Variants in ITPR2 observed in about 807,000 individuals in gnomAD.
The protein encoded by ITPR2 is inositol 1,4,5-trisphosphate-gated calcium channel ITPR2.
Under a neutral mutation model 317.1 loss-of-function variants are expected in ITPR2, and 207 were observed. That is an observed-to-expected ratio of 0.65 (90% CI 0.58 to 0.73). The LOEUF is 0.73. ITPR2 is among the 30% of genes least tolerant of loss of function. The pLI is 0.00. For synonymous variants in ITPR2, 1,156 were observed against 1,149.1 expected, an observed-to-expected ratio of 1.01 and a Z score of -0.12; for missense variants, 2,613 against 3,284.0, an observed-to-expected ratio of 0.80 and a Z score of 4.99.
intron 2 of ITPR2, among the ~76,000 whole-genome samples, chr12:26,741,587 G>C (rs948797040): frequency 6.6e-6 from 1 of 152,228 alleles, no homozygotes; most frequent in Non-Finnish European, 1.5e-5. Context: ...AGAAAAGAAG[G>C]ATTCTTAATG....
intron 2 of ITPR2, among the ~76,000 whole-genome samples, chr12:26,762,674 T>C (rs1291569667): frequency 6.6e-6 from 1 of 152,194 alleles, no homozygotes; most frequent in Non-Finnish European, 1.5e-5. Context: ...TTCAGAATCA[T>C]CTACTGTAAT....
intron 2 of ITPR2, among the ~76,000 whole-genome samples, chr12:26,727,812 C>G (rs1948957044): frequency 6.6e-6 from 1 of 152,162 alleles, no homozygotes; most frequent in South Asian, 2.1e-4. Flanking sequence ...ATTTCACAGG[C>G]AACGGAGGTC....
In ITPR2 at chr12:26,415,358, CA is replaced by C. The variant is rs1288961144; in HGVS notation, c.7250del (p.Leu2417Ter). The C allele has an allele frequency of 2.5e-6, 4 of 1,611,484 alleles. No individual in the cohort carries two copies. The highest frequency in any genetic ancestry group is 1.7e-5 in the Admixed American group (1 of 59,686). ...CAACTTCCATAGTGAAGTCATCCTT[CA>C]AAAAAAGGAACCCAATAATGGAAAA... is the stretch of plus-strand genomic sequence containing the variant. ...YLFSIIGFLF[L>X]KDDFTMEVDR... On this transcript the variant is annotated frameshift_variant, in exon 51 of 57. Transcript: ENST00000381340. LOFTEE classifies it high-confidence loss of function.
chr12:26,668,675 A>T (rs1044666783), intron 13 of ITPR2, among the ~76,000 whole-genome samples: 2 of 152,248 alleles, frequency 1.3e-5, no homozygotes, highest in Admixed American at 6.5e-5. Flanking sequence ...ACAAAATCCG[A>T]GTAACAAAAC....
chr12:26,392,693 T>A (rs1939885239), intron 54 of ITPR2, among the ~76,000 whole-genome samples: 1 of 152,204 alleles, frequency 6.6e-6, no homozygotes, highest in African/African-American at 2.4e-5. Flanking sequence ...CAATTAGAGA[T>A]ATAGATTTAG....
intron 54 of ITPR2, among the ~76,000 whole-genome samples, chr12:26,398,218 T>C (rs1047811354): frequency 3.8e-4 from 57 of 151,736 alleles, no homozygotes; most frequent in African/African-American, 1.3e-3. Flanking sequence ...AGGTCAGGAG[T>C]TCGAGACCAG....
chr12:26,357,847 T>C (rs569694174), intron 55 of ITPR2, among the ~76,000 whole-genome samples: 1 of 152,354 alleles, frequency 6.6e-6, no homozygotes, highest in East Asian at 1.9e-4. Flanking sequence ...CTGCTGCCCA[T>C]GGCCAGAGGG....
intron 21 of ITPR2, among the ~76,000 whole-genome samples, chr12:26,643,718 A>G (rs1475207049): frequency 1.3e-5 from 2 of 152,204 alleles, no homozygotes; most frequent in Non-Finnish European, 2.9e-5. Flanking sequence ...TGATTTATGG[A>G]AGGTAGAACT....
chr12:26,340,370 G>T (rs761832186), intron 55 of ITPR2, 42 bp from the exon 56 acceptor site: 1 of 1,539,634 alleles, frequency 6.5e-7, no homozygotes, highest in African/African-American at 1.4e-5. Flanking sequence ...AATAAGTATG[G>T]AAGGGGAGAA....
At chr12:26,777,848 C>T (rs774798880) in intron 2 of ITPR2, among the ~76,000 whole-genome samples, 2 of 152,118 alleles carry the variant, frequency 1.3e-5, no homozygotes, top group African/African-American at 2.4e-5. Context: ...CCCATCCTTC[C>T]CCAAGGAGAC....
At chr12:26,775,959 T>TATATATACACACA (rs1263788006) in intron 2 of ITPR2, among the ~76,000 whole-genome samples, 1 of 145,090 alleles carries the variant, frequency 6.9e-6, no homozygotes. Flanking sequence ...TATATGTATA[T>TATATATACACACA]CCTATTAGTT....
chr12:26,390,323 A>G (rs1939794547), intron 54 of ITPR2, among the ~76,000 whole-genome samples: 1 of 152,260 alleles, frequency 6.6e-6, no homozygotes, highest in Non-Finnish European at 1.5e-5. Context: ...TCATAGCAGC[A>G]TTATTCATAA....
chr12:26,695,640 T>C lies in ITPR2; in HGVS notation c.962A>G (p.Asp321Gly), dbSNP rs562395010. The change falls in exon 10 of 57, where the codon GAT (aspartate) becomes GGT (glycine). Residue 321 changes from aspartate (D) to glycine (G), a missense_variant. Physicochemically the swap from Asp to Gly is moderately conservative, Grantham distance 94. Transcript: ENST00000381340. The stretch of plus-strand genomic sequence containing the variant: ...TCCTTCATTTTGGGCATCTCGATAA[T>C]CAGGATTAAGCTAGAAAAACAAAGG... ...GNYLAAELNP[D>G]YRDAQNEGKN... 2.2e-5 allele frequency: 35 copies of C among 1,612,704 alleles called. No individual in the cohort carries two copies. The South Asian group carries it at 3.7e-4, about 17-fold the overall frequency.
At chr12:26,350,215 G>A (rs939078147) in intron 55 of ITPR2, among the ~76,000 whole-genome samples, 1 of 152,132 alleles carries the variant, frequency 6.6e-6, no homozygotes, top group African/African-American at 2.4e-5. Context: ...CCAAAAAAAG[G>A]ATCAAAATAG....
At chr12:26,592,460 C>T (rs1229444485) in intron 32 of ITPR2, among the ~76,000 whole-genome samples, 1 of 152,116 alleles carries the variant, frequency 6.6e-6, no homozygotes, top group Non-Finnish European at 1.5e-5. Context: ...TGATGGATAT[C>T]CCATTTACCT....
rs1255954093 is a variant in ITPR2 at position 26,550,231 on chromosome 12, T to TTTTTTAAATAATAAAG, written c.5073+15_5073+16insCTTTATTATTTAAAAA. 9 of 1,137,648 alleles carry TTTTTTAAATAATAAAG rather than the reference T, an allele frequency of 7.9e-6. No individual in the cohort carries two copies. Among genetic ancestry groups the TTTTTTAAATAATAAAG allele is most frequent in the Non-Finnish European group, 1.1e-5 (9 of 784,664 alleles). The allele number at this position is 1,137,648 out of a possible 1,614,324, so 70.5% of individuals were successfully genotyped here. On this transcript the variant is annotated intron_variant, in intron 37 of 56. Transcript: ENST00000381340. ...CCTACTTTATTTTTAAATAATAAAG[T>TTTTTTAAATAATAAAG]TTTTTAAAAAAATACCTCTTCCACA...
In ITPR2 at chr12:26,337,828, A is replaced by G. The variant is rs1937969668; in HGVS notation, c.*1569T>C. 6.6e-6 allele frequency: 1 copy of G among 152,210 alleles called. No individual in the cohort carries two copies. Among genetic ancestry groups the G allele is most frequent in the Non-Finnish European group, 1.5e-5 (1 of 68,040 alleles). The allele number at this position is 152,210 out of a possible 1,614,324, so 9.4% of individuals were successfully genotyped here. On this transcript the variant is annotated 3_prime_UTR_variant, in exon 57 of 57. Transcript: ENST00000381340. Reference sequence around the variant, plus strand: ...AAAATTCATTGCTCTGGGTCCCAACAGCTTTGTTCCAAGTCTACATCTTAA... The same window carrying G: ...AAAATTCATTGCTCTGGGTCCCAACGGCTTTGTTCCAAGTCTACATCTTAA...
intron 2 of ITPR2, among the ~76,000 whole-genome samples, chr12:26,774,739 T>C (rs1471673863): frequency 6.6e-6 from 1 of 152,210 alleles, no homozygotes; most frequent in African/African-American, 2.4e-5. Context: ...GTAGACAATT[T>C]CCAACATGCG....
chr12:26,686,787 C>T (rs1237849539), intron 10 of ITPR2, among the ~76,000 whole-genome samples, 155 bp from the exon 11 acceptor site: 1 of 152,208 alleles, frequency 6.6e-6, no homozygotes, highest in Non-Finnish European at 1.5e-5. Flanking sequence ...TCTAGCCCGA[C>T]AGCCATTGAG....
Sources: allele counts gnomAD v4.1 joint callset (sites outside exome capture counted in the v4.1 genomes callset), GRCh38; gene constraint gnomAD v4.1.1; transcripts MANE v1.5; gene names NCBI Gene and HGNC (gene_info 2026-07-23, HGNC 2026-07-21).